The following ATP6V1C2 variants were observed in gnomAD, a reference collection of about 807,000 sequenced individuals.
ATP6V1C2 encodes ATPase H+ transporting V1 subunit C2.
Under a neutral mutation model 56.8 loss-of-function variants are expected in ATP6V1C2, and 45 were observed. That is an observed-to-expected ratio of 0.79 (90% confidence interval 0.62 to 1.02). The LOEUF (loss-of-function observed/expected upper bound fraction) is 1.02, where lower values mean the gene tolerates loss of function less well. ATP6V1C2 is among the 50% of genes least tolerant of loss of function. The pLI is 0.00. For synonymous variants in ATP6V1C2, 220 were observed against 201.3 expected, an observed-to-expected ratio of 1.09 and a Z score of -0.79; for missense variants, 463 against 519.7, an observed-to-expected ratio of 0.89 and a Z score of 1.06.
chr2:10,726,820 T>A (rs1393674887), intron 3 of ATP6V1C2, among the ~76,000 whole-genome samples: 1 of 152,230 alleles, frequency 6.6e-6, no homozygotes, highest in Non-Finnish European at 1.5e-5. Flanking sequence ...CATGCATAGG[T>A]GCCGAGACAC....
chr2:10,781,336 G>A (rs1016716697), intron 12 of ATP6V1C2, among the ~76,000 whole-genome samples: 2 of 152,238 alleles, frequency 1.3e-5, no homozygotes, highest in East Asian at 1.9e-4. Flanking sequence ...TTAGCCTGGC[G>A]TGGTGGTGGC....
intron 4 of ATP6V1C2, among the ~76,000 whole-genome samples, chr2:10,755,129 C>T (rs1447202935): frequency 5.9e-5 from 9 of 152,072 alleles, no homozygotes; most frequent in East Asian, 5.8e-4. Flanking sequence ...GCGATTCTCC[C>T]GCGCTTAAGT....
In ATP6V1C2 at chr2:10,774,916, C is replaced by CG. The variant is rs768458233; in HGVS notation, c.731+42dup. ...TCCAGGTTTGGTTCATCTCCCGCTG[C>CG]GGGGGGTCTCTGCCCCTCTGGAAAG... On this transcript the variant is annotated intron_variant, in intron 9 of 13. Transcript: ENST00000272238. 2.9e-5 allele frequency: 46 copies of CG among 1,610,450 alleles called. No homozygotes were observed. In the African/African-American group the frequency reaches 4.8e-4, roughly 17 times the overall value.
intron 3 of ATP6V1C2, among the ~76,000 whole-genome samples, chr2:10,749,363 A>G (rs1029776214): frequency 6.6e-6 from 1 of 152,134 alleles, no homozygotes; most frequent in African/African-American, 2.4e-5. Flanking sequence ...TGAACAAGCC[A>G]GTAAAAAGCC....
At chr2:10,756,114 T>C (rs1663538802) in intron 4 of ATP6V1C2, among the ~76,000 whole-genome samples, 1 of 152,232 alleles carries the variant, frequency 6.6e-6, no homozygotes, top group African/African-American at 2.4e-5. Context: ...CCCATCACTT[T>C]AGGAGGCCGA....
At chr2:10,757,003 CTTTTTTTTTTTTTTTTTT>C (rs57191070) in intron 4 of ATP6V1C2, among the ~76,000 whole-genome samples, 14 of 81,574 alleles carry the variant, frequency 1.7e-4, no homozygotes, top group African/African-American at 7.0e-4. Context: ...CATGAGGAGA[CTTTTTTTTTTTTTTTTTT>C]TTTTTTTTTT....
rs139031417 is a variant in ATP6V1C2 at position 10,768,463 on chromosome 2, C to T, written c.379-256C>T. On this transcript the variant is annotated intron_variant, in intron 5 of 13. Coordinates refer to ENST00000272238, the MANE Select transcript of ATP6V1C2 (RefSeq NM_001039362.2). ...AGGTGTGGGCGTGGGATGTCCCGAC[C>T]GTTCAGGATGGGCTTGAAATCAGGA... 2.5e-4 allele frequency among the ~76,000 whole-genome samples: 38 copies of T among 152,338 alleles called. No individual in the cohort carries two copies. In the Middle Eastern group the frequency reaches 0.014, roughly 55 times the overall value.
chr2:10,726,848 G>A (rs1299288312), intron 3 of ATP6V1C2, among the ~76,000 whole-genome samples: 2 of 152,188 alleles, frequency 1.3e-5, no homozygotes, highest in Non-Finnish European at 1.5e-5. Flanking sequence ...AGTCCTTGGT[G>A]TAGTTTCCCA....
chr2:10,785,036 G>A lies in ATP6V1C2; in HGVS notation c.*1773G>A. ...CACGCCCAAAAGAGAGCTCCCTTAG[G>A]GAAAAATGACCAAAACACACACACA... On this transcript the variant is annotated 3_prime_UTR_variant, in exon 14 of 14. Transcript: ENST00000272238. 2.6e-6 allele frequency: 4 copies of A among 1,561,964 alleles called. No individual in the cohort carries two copies. The highest frequency in any genetic ancestry group is 2.4e-5 in the East Asian group (1 of 42,374).
At chr2:10,736,711 A>G (rs901620223) in intron 3 of ATP6V1C2, among the ~76,000 whole-genome samples, 1 of 151,370 alleles carries the variant, frequency 6.6e-6, no homozygotes. Context: ...TTAGTTCTGT[A>G]ATGCTAACAG....
Position 10,772,584 on chromosome 2 carries a change from A to T in ATP6V1C2, c.612A>T (p.Ser204=). ...GGCAAAAAACCTACGAATCTCTCTCAGACATGGTGGTCCCTCGATCAACCA... is the reference window on the plus strand; with the variant it reads ...GGCAAAAAACCTACGAATCTCTCTCTGACATGGTGGTCCCTCGATCAACCA... The part of the protein sequence containing the change: ...SQWQKTYESL[S]DMVVPRSTKL... Residue 204 remains serine (S), a synonymous_variant, in exon 8 of 14, where the codon TCA becomes TCT. Transcript: ENST00000272238. 6.2e-7 allele frequency: 1 copy of T among 1,614,094 alleles called. No individual in the cohort carries two copies. The highest frequency in any genetic ancestry group is 1.1e-5 in the South Asian group (1 of 91,086).
At chr2:10,781,964 C>A (rs770667859) in intron 12 of ATP6V1C2, among the ~76,000 whole-genome samples, 1 of 152,238 alleles carries the variant, frequency 6.6e-6, no homozygotes, top group Non-Finnish European at 1.5e-5. Context: ...TACCTGCATT[C>A]AACTTGAGCA....
Position 10,777,694 on chromosome 2 carries a change from G to C in ATP6V1C2, c.935G>C (p.Arg312Thr), listed in dbSNP as rs769964374. ...AGGCCTGCTGCGGGGCAGACCGACA[G>C]AGAGAGAGAGAGTGAGGGCGAGGGT... is the stretch of plus-strand genomic sequence containing the variant. The part of the protein sequence containing the change: ...PDRPAAGQTD[R>T]ERESEGEGEG... Residue 312 changes from arginine to threonine, a missense_variant, in exon 11 of 14, where the codon AGA becomes ACA. Arg to Thr is a moderately conservative substitution (Grantham distance 71). Transcript: ENST00000272238. 3 of 1,435,904 alleles carry C rather than the reference G, an allele frequency of 2.1e-6. No homozygotes were observed. Among genetic ancestry groups the C allele is most frequent in the South Asian group, 1.3e-5 (1 of 75,096 alleles). The allele number at this position is 1,435,904 out of a possible 1,614,324, so 88.9% of individuals were successfully genotyped here.
Position 10,763,945 on chromosome 2 carries a change from A to G in ATP6V1C2, c.284-386A>G, listed in dbSNP as rs1036683366. On this transcript the variant is annotated intron_variant, in intron 4 of 13. Transcript: ENST00000272238. This position sits in a 1 kb window ranked among gnomAD's most constrained non-coding sequence, Gnocchi z 4.2. ...AGTGGGTTTTGGGGAAAGAAAAGAA[A>G]AAAAGGAAATGCTTGAAAACACTGG... Among the ~76,000 whole-genome samples the G allele has an allele frequency of 6.6e-6, 1 of 152,212 alleles. No homozygotes were observed. The highest frequency in any genetic ancestry group is 1.5e-5 in the Non-Finnish European group (1 of 68,040).
chr2:10,774,727 A>T, intron 8 of ATP6V1C2, 61 bp from the exon 9 acceptor site: 1 of 1,470,660 alleles, frequency 6.8e-7, no homozygotes, highest in South Asian at 1.1e-5. Context: ...GGGGCCTCTG[A>T]GCCCCACTCC....
Position 10,780,878 on chromosome 2 carries a change from G to A in ATP6V1C2, c.1062-1365G>A, listed in dbSNP as rs113630803. On this transcript the variant is annotated intron_variant, in intron 12 of 13. Coordinates refer to ENST00000272238, the MANE Select transcript of ATP6V1C2 (RefSeq NM_001039362.2). The surrounding 1 kb of genome is among the most constrained non-coding windows in gnomAD (Gnocchi z 4.1). ...CCTGCCTCAGCCTCCCCTAGTAGCT[G>A]GGATTACAGGCGTGCACCACCACGC... Among the ~76,000 whole-genome samples the A allele has an allele frequency of 0.018, 2,789 of 152,114 alleles. 97 individuals carry two copies. The highest frequency in any genetic ancestry group is 0.064 in the African/African-American group (2,650 of 41,464).
intron 3 of ATP6V1C2, among the ~76,000 whole-genome samples, chr2:10,726,823 C>T (rs1462402427): frequency 1.3e-5 from 2 of 152,104 alleles, no homozygotes; most frequent in Admixed American, 6.6e-5. Flanking sequence ...GCATAGGTGC[C>T]GAGACACTTG....
At chr2:10,729,482 A>G (rs1265755284) in intron 3 of ATP6V1C2, among the ~76,000 whole-genome samples, 4 of 152,154 alleles carry the variant, frequency 2.6e-5, no homozygotes. Context: ...TCCAAATATA[A>G]CTATTATTAT....
At chr2:10,748,492 G>C (rs964587060) in intron 3 of ATP6V1C2, among the ~76,000 whole-genome samples, 1 of 152,104 alleles carries the variant, frequency 6.6e-6, no homozygotes, top group African/African-American at 2.4e-5. Context: ...AAGTGAACAG[G>C]CTGGAGAGTT....
Sources: gnomAD v4.1 joint callset for allele counts (sites outside exome capture counted in the v4.1 genomes callset) on GRCh38, gnomAD v4.1.1 for gene constraint, Gnocchi (gnomAD v3.1) non-coding constraint, MANE v1.5 for transcripts, NCBI Gene and HGNC (gene_info 2026-07-23, HGNC 2026-07-21) for gene names.